Variants in LARGE1 observed in about 807,000 individuals in gnomAD.
The protein encoded by LARGE1 is xylosyl- and glucuronyltransferase LARGE1.
In LARGE1, 43 loss-of-function variants were observed where a neutral mutation model predicts 87.6. The observed-to-expected ratio is 0.49, with a 90% confidence interval of 0.38 to 0.63. LARGE1 has a LOEUF of 0.63. Ranked by LOEUF, LARGE1 falls within the 30% of genes least tolerant of loss-of-function variation. The pLI is 0.00. For missense variants in LARGE1, 802 were observed against 1,000.2 expected (o/e 0.80, Z 2.67); for synonymous variants, 434 against 394.6 (o/e 1.10, Z -1.18).
intron 6 of LARGE1, among the ~76,000 whole-genome samples, chr22:33,524,141 A>G (rs1254341915): frequency 1.3e-5 from 2 of 151,978 alleles, no homozygotes; most frequent in Admixed American, 1.3e-4. Flanking sequence ...AAATACAAAA[A>G]TTAGCAGGGC....
At chr22:33,662,076 C>CAAAAAA (rs34470280) in intron 2 of LARGE1, among the ~76,000 whole-genome samples, 1 of 54,890 alleles carries the variant, frequency 1.8e-5, no homozygotes, top group Non-Finnish European at 3.3e-5. Flanking sequence ...GCTTAGGAGC[C>CAAAAAA]AAAAAAAAAA....
intron 1 of LARGE1, among the ~76,000 whole-genome samples, chr22:33,765,474 C>T (rs138875433): frequency 5.3e-5 from 8 of 151,998 alleles, no homozygotes; most frequent in South Asian, 2.1e-4. Flanking sequence ...CAGGCTGAGG[C>T]GGGCGGATCA....
At chr22:33,311,951 G>A (rs1789782335) in intron 11 of LARGE1, among the ~76,000 whole-genome samples, 1 of 152,150 alleles carries the variant, frequency 6.6e-6, no homozygotes, top group South Asian at 2.1e-4. Flanking sequence ...ATGAGTTGGT[G>A]GGATTTGAAC....
At chr22:33,205,903 T>C (rs559897821) in intron 11 of LARGE1, among the ~76,000 whole-genome samples, 5 of 149,150 alleles carry the variant, frequency 3.4e-5, no homozygotes, top group African/African-American at 1.2e-4. Context: ...CTCAGCCTCC[T>C]GAGCAGCTGG....
chr22:33,766,152 G>A (rs924039931), intron 1 of LARGE1, among the ~76,000 whole-genome samples: 1 of 152,132 alleles, frequency 6.6e-6, no homozygotes, highest in Non-Finnish European at 1.5e-5. Context: ...TCACGAACAT[G>A]TGCAAATGTT....
chr22:33,708,104 T>C (rs1174187743), intron 2 of LARGE1, among the ~76,000 whole-genome samples: 1 of 152,160 alleles, frequency 6.6e-6, no homozygotes, highest in Non-Finnish European at 1.5e-5. Flanking sequence ...CCTTGGCCAC[T>C]GTGTAGAATG....
At chr22:33,227,532 G>A (rs1392643091) in intron 11 of LARGE1, among the ~76,000 whole-genome samples, 3 of 152,206 alleles carry the variant, frequency 2.0e-5, no homozygotes, top group Non-Finnish European at 1.5e-5. Context: ...TACAAGTGGG[G>A]AAACTGAGGT....
At chr22:33,451,689 G>A (rs1224336380) in intron 6 of LARGE1, among the ~76,000 whole-genome samples, 1 of 151,824 alleles carries the variant, frequency 6.6e-6, no homozygotes, top group African/African-American at 2.4e-5. Context: ...CTCCCGAGTA[G>A]CTGGGATTAC....
intron 7 of LARGE1, among the ~76,000 whole-genome samples, chr22:33,426,883 C>T (rs1297769636): frequency 1.3e-5 from 2 of 152,184 alleles, no homozygotes; most frequent in Non-Finnish European, 2.9e-5. Context: ...CACCCTTCAA[C>T]TTGGGGAGGA....
intron 1 of LARGE1, among the ~76,000 whole-genome samples, chr22:33,887,556 G>A (rs1477584921): frequency 6.6e-6 from 1 of 152,148 alleles, no homozygotes; most frequent in Non-Finnish European, 1.5e-5. Context: ...GAACAACATG[G>A]TGAAACCCTG....
At chr22:33,742,765 C>T (rs1244768952) in intron 2 of LARGE1, among the ~76,000 whole-genome samples, 1 of 152,212 alleles carries the variant, frequency 6.6e-6, no homozygotes, top group Admixed American at 6.5e-5. Flanking sequence ...GCATCCCTAT[C>T]TTTCTTTCCA....
rs952591117 is a variant in LARGE1, at chr22:33,828,755, C to T, written c.-82-67197G>A. ...ATTACTAAATGAATGCATGCATAAACGGATGAATGAGAAAACATAATAATG... is the reference window on the plus strand; with the variant it reads ...ATTACTAAATGAATGCATGCATAAATGGATGAATGAGAAAACATAATAATG... On this transcript the variant is annotated intron_variant, in intron 1 of 14. Coordinates refer to ENST00000397394, the MANE Select transcript of LARGE1 (RefSeq NM_133642.5). 5.3e-5 allele frequency among the ~76,000 whole-genome samples: 8 copies of T among 152,208 alleles called. No homozygotes were observed. In the East Asian group the frequency reaches 1.2e-3, roughly 22 times the overall value.
At chr22:33,607,415 C>T (rs1472708741) in intron 4 of LARGE1, among the ~76,000 whole-genome samples, 4 of 135,398 alleles carry the variant, frequency 3.0e-5, no homozygotes, top group African/African-American at 8.9e-5. Flanking sequence ...GAGCCAAGAT[C>T]GTGCCATTGC....
chr22:33,290,522 C>A (rs191460846), intron 12 of LARGE1, among the ~76,000 whole-genome samples: 13 of 152,186 alleles, frequency 8.5e-5, no homozygotes, highest in African/African-American at 3.1e-4. Flanking sequence ...GATTGAAGAA[C>A]CACAAAGAGA....
chr22:33,499,390 G>T lies in LARGE1; in HGVS notation c.787+65458C>A, dbSNP rs528014931. On this transcript the variant is annotated intron_variant, in intron 6 of 14. Coordinates refer to ENST00000397394, the MANE Select transcript of LARGE1 (RefSeq NM_133642.5). ...CAGATGGCAATTATCCACTTATTTA[G>T]TTATAACGATTGGTTAAGGAATGGG... Among the ~76,000 whole-genome samples, 6 of 152,310 alleles carry T rather than the reference G, an allele frequency of 3.9e-5. No individual in the cohort carries two copies. The South Asian group carries it at 1.2e-3, about 32-fold the overall frequency.
chr22:33,742,814 G>T (rs968118326), intron 2 of LARGE1, among the ~76,000 whole-genome samples: 1 of 152,000 alleles, frequency 6.6e-6, no homozygotes, highest in African/African-American at 2.4e-5. Flanking sequence ...AAAGATGGTT[G>T]ACACTGGCTT....
intron 6 of LARGE1, among the ~76,000 whole-genome samples, chr22:33,447,361 A>G (rs5754554): frequency 0.96 from 146,090 of 152,310 alleles, 70,125 homozygotes; most frequent in East Asian, 1. Context: ...CTGGAGACAC[A>G]AATCATGGTC....
chr22:33,848,763 C>A (rs1308135182), intron 1 of LARGE1, among the ~76,000 whole-genome samples: 1 of 152,210 alleles, frequency 6.6e-6, no homozygotes, highest in Non-Finnish European at 1.5e-5. Flanking sequence ...TCCCAGAGGG[C>A]CTCTGAGGCA....
chr22:33,702,236 A>G (rs2082422675), intron 2 of LARGE1, among the ~76,000 whole-genome samples: 1 of 152,222 alleles, frequency 6.6e-6, no homozygotes, highest in South Asian at 2.1e-4. Context: ...GTAGGCATTC[A>G]ATATGCATTT....
Sources: gnomAD v4.1 joint callset for allele counts (sites outside exome capture counted in the v4.1 genomes callset) on GRCh38, gnomAD v4.1.1 for gene constraint, MANE v1.5 for transcripts, NCBI Gene and HGNC (gene_info 2026-07-23, HGNC 2026-07-21) for gene names.